The following CSMD1 variants were observed in gnomAD, a reference collection of about 807,000 sequenced individuals.
CSMD1 encodes the protein CUB and sushi domain-containing protein 1.
Under a neutral mutation model 417.5 loss-of-function variants are expected in CSMD1, and 213 were observed. That is an observed-to-expected ratio of 0.51 (90% CI 0.46 to 0.57). CSMD1 has a LOEUF of 0.57. CSMD1 is among the 20% of genes least tolerant of loss of function. The probability of loss-of-function intolerance (pLI) is 0.00; values close to 1 mark genes in which losing one functional copy is unlikely to be tolerated. For synonymous variants in CSMD1, 2,862 were observed against 1,736.8 expected, an observed-to-expected ratio of 1.65 and a Z score of -16.11; for missense variants, 6,923 against 4,529.7, an observed-to-expected ratio of 1.53 and a Z score of -15.17.
chr8:4,978,194 A>G (rs944584382), intron 1 of CSMD1, among the ~76,000 whole-genome samples: 16 of 152,196 alleles, frequency 1.1e-4, no homozygotes, highest in African/African-American at 3.9e-4. Context: ...TTTTTATATT[A>G]TAACTTGGGA....
rs531716445 is a variant in CSMD1, at chr8:2,999,767, G to A, written c.8203+191C>T. ...AAAAGGAGTTTGAAGGAAACAAAAC[G>A]GGAAGGAGATCAAAAAAGGAAAGCG... On this transcript the variant is annotated intron_variant, in intron 53 of 69. Transcript: ENST00000635120. Among the ~76,000 whole-genome samples the A allele has an allele frequency of 4.1e-4, 58 of 139,978 alleles. 1 individual carries two copies. Among genetic ancestry groups the A allele is most frequent in the African/African-American group, 1.7e-3 (53 of 31,300 alleles). 91.8% of individuals were successfully genotyped at this position (139,978 alleles called of 152,430 possible). A position where few individuals can be genotyped will look rare whatever the true frequency, so the allele number is the denominator to read the frequency against.
intron 3 of CSMD1, among the ~76,000 whole-genome samples, chr8:4,128,652 G>A (rs980477442): frequency 6.6e-6 from 1 of 152,050 alleles, no homozygotes; most frequent in Admixed American, 6.6e-5. Context: ...TCTCCACATG[G>A]AAATATGTCT....
intron 5 of CSMD1, among the ~76,000 whole-genome samples, chr8:3,907,748 C>G (rs535666968): frequency 6.6e-6 from 1 of 152,290 alleles, no homozygotes; most frequent in South Asian, 2.1e-4. Context: ...TCAGACCTGC[C>G]TGTGTCAGTC....
chr8:4,549,895 T>TAAAAAA lies in CSMD1; in HGVS notation c.302+87446_302+87447insTTTTTT, dbSNP rs1563277700. On this transcript the variant is annotated intron_variant, in intron 2 of 69. Transcript: ENST00000635120. ...CAGAGTGACAATCTAAGACTTTGTCTCAAAAAAAAAAAAAAAAAAAAAAAA... is the reference window on the plus strand; with the variant it reads ...CAGAGTGACAATCTAAGACTTTGTCTAAAAAACAAAAAAAAAAAAAAAAAAAAAAAA... Among the ~76,000 whole-genome samples, 377 of 65,590 alleles carry TAAAAAA rather than the reference T, an allele frequency of 5.7e-3. 4 individuals are homozygous for TAAAAAA. Among genetic ancestry groups the TAAAAAA allele is most frequent in the Middle Eastern group, 0.01 (1 of 100 alleles). 43.0% of individuals were successfully genotyped at this position (65,590 alleles called of 152,430 possible). A position where few individuals can be genotyped will look rare whatever the true frequency, so the allele number is the denominator to read the frequency against.
chr8:4,013,011 A>G (rs1225480011), intron 4 of CSMD1, among the ~76,000 whole-genome samples: 3 of 152,044 alleles, frequency 2.0e-5, no homozygotes, highest in Non-Finnish European at 4.4e-5. Flanking sequence ...TCATTTTGCA[A>G]TGATTTTCTA....
At chr8:3,363,659 C>T (rs1390591752) in intron 20 of CSMD1, among the ~76,000 whole-genome samples, 2 of 152,156 alleles carry the variant, frequency 1.3e-5, no homozygotes, top group Admixed American at 1.3e-4. Context: ...TCCTGAGTAG[C>T]TGCGACCACA....
At chr8:3,886,332 G>T (rs895140738) in intron 5 of CSMD1, among the ~76,000 whole-genome samples, 11 of 152,166 alleles carry the variant, frequency 7.2e-5, no homozygotes, top group African/African-American at 2.4e-4. Flanking sequence ...TACAGGCGTG[G>T]GCCACTGTGC....
chr8:3,516,818 G>A lies in CSMD1; in HGVS notation c.1345-23092C>T, dbSNP rs552284697. Among the ~76,000 whole-genome samples, 33 of 152,142 alleles carry A rather than the reference G, an allele frequency of 2.2e-4. No individual in the cohort carries two copies. The South Asian group carries it at 5.0e-3, about 23-fold the overall frequency. On this transcript the variant is annotated intron_variant, in intron 10 of 69. Coordinates refer to ENST00000635120, the MANE Select transcript of CSMD1 (RefSeq NM_033225.6). ...TACCATTTGGCCCAACAATCCCATCGCTGAGTATCTACCCAGAGGAAAGGA... is the reference window on the plus strand; with the variant it reads ...TACCATTTGGCCCAACAATCCCATCACTGAGTATCTACCCAGAGGAAAGGA...
chr8:4,719,951 C>G (rs937909591), intron 1 of CSMD1, among the ~76,000 whole-genome samples: 1 of 152,086 alleles, frequency 6.6e-6, no homozygotes, highest in African/African-American at 2.4e-5. Flanking sequence ...TGTCACCTCA[C>G]TTTAAATTTT....
chr8:3,280,558 A>G (rs1008453336), intron 26 of CSMD1, among the ~76,000 whole-genome samples: 2 of 152,222 alleles, frequency 1.3e-5, no homozygotes, highest in African/African-American at 4.8e-5. Context: ...CTGAAAATTT[A>G]TACCAGAATT....
chr8:4,294,580 A>T (rs76512141), intron 3 of CSMD1, among the ~76,000 whole-genome samples: 212 of 152,304 alleles, frequency 1.4e-3, no homozygotes, highest in African/African-American at 4.9e-3. Context: ...GAATGAAGTG[A>T]AACCAGAAAC....
chr8:4,643,734 T>C (rs1241189569), intron 1 of CSMD1, among the ~76,000 whole-genome samples: 2 of 152,216 alleles, frequency 1.3e-5, no homozygotes, highest in Non-Finnish European at 2.9e-5. Flanking sequence ...CATTAAATTC[T>C]GCATTATCTT....
At chr8:3,950,118 C>T (rs908313698) in intron 5 of CSMD1, among the ~76,000 whole-genome samples, 21 of 152,108 alleles carry the variant, frequency 1.4e-4, no homozygotes, top group African/African-American at 4.8e-4. Flanking sequence ...AATAATTAGA[C>T]ACGTTACACT....
At chr8:4,763,801 C>A (rs967988285) in intron 1 of CSMD1, among the ~76,000 whole-genome samples, 4 of 152,074 alleles carry the variant, frequency 2.6e-5, no homozygotes, top group Non-Finnish European at 5.9e-5. Flanking sequence ...TAAAAGACTG[C>A]AATTAAAATT....
chr8:4,689,864 T>C (rs1286493982), intron 1 of CSMD1, among the ~76,000 whole-genome samples: 1 of 152,194 alleles, frequency 6.6e-6, no homozygotes, highest in Non-Finnish European at 1.5e-5. Flanking sequence ...TGTATGTTTA[T>C]ATGAATGATT....
At chr8:3,498,244 G>C (rs1226482909) in intron 10 of CSMD1, among the ~76,000 whole-genome samples, 3 of 152,098 alleles carry the variant, frequency 2.0e-5, no homozygotes, top group Non-Finnish European at 2.9e-5. Flanking sequence ...CTTTGTCTTT[G>C]AAGTTTTTTA....
chr8:4,346,535 G>A (rs1006255683), intron 3 of CSMD1, among the ~76,000 whole-genome samples: 1 of 152,202 alleles, frequency 6.6e-6, no homozygotes, highest in Admixed American at 6.5e-5. Context: ...TCCAGTTACA[G>A]AAAACTTTCA....
intron 2 of CSMD1, among the ~76,000 whole-genome samples, chr8:4,439,505 G>A (rs1437768668): frequency 6.6e-6 from 1 of 151,588 alleles, no homozygotes; most frequent in African/African-American, 2.4e-5. Flanking sequence ...AGCTGAGATA[G>A]CTATATACAT....
intron 10 of CSMD1, among the ~76,000 whole-genome samples, chr8:3,556,733 T>C (rs1799172252): frequency 1.3e-5 from 2 of 151,906 alleles, no homozygotes; most frequent in African/African-American, 4.8e-5. Flanking sequence ...ACTTCTCCTC[T>C]CTCAAAGCTT....
Sources: allele counts gnomAD v4.1 joint callset (sites outside exome capture counted in the v4.1 genomes callset), GRCh38; gene constraint gnomAD v4.1.1; transcripts MANE v1.5; gene names NCBI Gene and HGNC (gene_info 2026-07-23, HGNC 2026-07-21).